CDH13: variants seen among roughly 807,000 people sequenced by gnomAD.
CDH13 encodes the protein cadherin 13.
A neutral mutation model predicts 63.8 loss-of-function variants in CDH13; 24 were observed. The ratio of observed to expected loss-of-function variants is 0.38; its 90% confidence interval spans 0.27 to 0.53. The LOEUF (loss-of-function observed/expected upper bound fraction) is 0.53, where lower values mean the gene tolerates loss of function less well. Among genes scored for constraint, CDH13 ranks in the 20% least tolerant of loss-of-function variants. The pLI, the probability that CDH13 is intolerant of heterozygous loss-of-function variation, is 0.85. For missense variants in CDH13, 1,049 were observed against 903.1 expected (o/e 1.16, Z -2.07); for synonymous variants, 503 against 355.3 (o/e 1.42, Z -4.67).
intron 10 of CDH13, among the ~76,000 whole-genome samples, chr16:83,701,260 G>T (rs540649146): frequency 1.3e-3 from 195 of 152,292 alleles, no homozygotes; most frequent in Non-Finnish European, 9.6e-4. Flanking sequence ...GGATGTTTAG[G>T]AACAGAAAAA....
intron 1 of CDH13, among the ~76,000 whole-genome samples, chr16:82,663,921 G>A (rs1912279887): frequency 1.3e-5 from 2 of 152,156 alleles, no homozygotes; most frequent in Admixed American, 6.5e-5. Flanking sequence ...CTCCTACCAT[G>A]GCGCATTCTG....
chr16:83,319,522 A>G lies in CDH13; in HGVS notation c.637-25340A>G, dbSNP rs115992272. Among the ~76,000 whole-genome samples, 667 of 152,368 alleles carry G rather than the reference A, an allele frequency of 4.4e-3. 8 individuals are homozygous for G. The highest frequency in any genetic ancestry group is 0.015 in the African/African-American group (632 of 41,594). On this transcript the variant is annotated intron_variant, in intron 5 of 13. Transcript: ENST00000567109. Reference sequence around the variant, plus strand: ...AACAGGCCGAATTGAATATCGGAGAACAGTAAATCACGACTTTACGATTTA... The same window carrying G: ...AACAGGCCGAATTGAATATCGGAGAGCAGTAAATCACGACTTTACGATTTA...
At chr16:83,603,928 G>C (rs1222032667) in intron 8 of CDH13, among the ~76,000 whole-genome samples, 5 of 152,128 alleles carry the variant, frequency 3.3e-5, no homozygotes, top group Non-Finnish European at 7.4e-5. Flanking sequence ...GAGTAGGAGA[G>C]AGAGAGCAAA....
intron 11 of CDH13, among the ~76,000 whole-genome samples, chr16:83,758,940 G>A (rs1913732235): frequency 6.6e-6 from 1 of 152,152 alleles, no homozygotes; most frequent in African/African-American, 2.4e-5. Context: ...AAGGCTCAAT[G>A]GTATTGAAAT....
At chr16:83,067,245 A>G (rs552551560) in intron 3 of CDH13, among the ~76,000 whole-genome samples, 2 of 152,308 alleles carry the variant, frequency 1.3e-5, no homozygotes, top group African/African-American at 2.4e-5. Flanking sequence ...AGTAATGTTG[A>G]TAAGTATTGT....
intron 5 of CDH13, among the ~76,000 whole-genome samples, chr16:83,281,381 G>C (rs754040957): frequency 6.6e-6 from 1 of 152,184 alleles, no homozygotes; most frequent in Non-Finnish European, 1.5e-5. Context: ...CTTTGGTCTG[G>C]ATTAGGCTTT....
At chr16:83,727,659 A>G (rs1910567084) in intron 10 of CDH13, among the ~76,000 whole-genome samples, 1 of 152,144 alleles carries the variant, frequency 6.6e-6, no homozygotes, top group South Asian at 2.1e-4. Flanking sequence ...CAACATTAGA[A>G]GCCCTAAAAA....
intron 1 of CDH13, among the ~76,000 whole-genome samples, chr16:82,690,255 G>C (rs2150974821): frequency 6.6e-6 from 1 of 151,822 alleles, no homozygotes; most frequent in Non-Finnish European, 1.5e-5. Flanking sequence ...AAGAAGAATG[G>C]TGAGACAACC....
intron 3 of CDH13, among the ~76,000 whole-genome samples, chr16:83,057,477 C>G (rs1050770231): frequency 6.6e-6 from 1 of 151,894 alleles, no homozygotes; most frequent in Non-Finnish European, 1.5e-5. Context: ...ATGAATGATA[C>G]ATGTTATGCT....
At chr16:83,524,248 A>T (rs867256186) in intron 7 of CDH13, among the ~76,000 whole-genome samples, 1 of 152,162 alleles carries the variant, frequency 6.6e-6, no homozygotes, top group South Asian at 2.1e-4. Context: ...TGCAGTGTAC[A>T]TGAGTAATAT....
At chr16:82,881,500 G>C (rs542624550) in intron 2 of CDH13, among the ~76,000 whole-genome samples, 2 of 152,146 alleles carry the variant, frequency 1.3e-5, no homozygotes, top group African/African-American at 4.8e-5. Flanking sequence ...TCTGTTTTTG[G>C]ATGTGGGCTG....
intron 8 of CDH13, among the ~76,000 whole-genome samples, chr16:83,621,575 C>T (rs1909822620): frequency 6.8e-6 from 1 of 147,230 alleles, no homozygotes; most frequent in South Asian, 2.2e-4. Context: ...CAAACTCCTC[C>T]TCTTAGGTTC....
At chr16:83,522,750 G>A (rs972665202) in intron 7 of CDH13, among the ~76,000 whole-genome samples, 4 of 152,184 alleles carry the variant, frequency 2.6e-5, no homozygotes, top group Admixed American at 6.5e-5. Context: ...GGTGGCATCA[G>A]ACTGGCCTGA....
At chr16:83,671,948 G>A (rs757040203) in intron 9 of CDH13, among the ~76,000 whole-genome samples, 4 of 152,226 alleles carry the variant, frequency 2.6e-5, no homozygotes, top group African/African-American at 4.8e-5. Flanking sequence ...TTTCTGGGAA[G>A]TTCTGGGGAG....
chr16:83,616,724 T>G (rs955964209), intron 8 of CDH13, among the ~76,000 whole-genome samples: 1 of 152,136 alleles, frequency 6.6e-6, no homozygotes, highest in Non-Finnish European at 1.5e-5. Flanking sequence ...ATGGAGCCTG[T>G]TGGAAGATGA....
intron 1 of CDH13, among the ~76,000 whole-genome samples, chr16:82,672,450 C>A (rs957889253): frequency 6.6e-6 from 1 of 152,136 alleles, no homozygotes; most frequent in African/African-American, 2.4e-5. Context: ...CTACTGGCAG[C>A]TTTAGTCCCT....
chr16:83,258,081 A>C (rs1344666108), intron 5 of CDH13, among the ~76,000 whole-genome samples: 2 of 152,222 alleles, frequency 1.3e-5, no homozygotes, highest in Non-Finnish European at 2.9e-5. Context: ...GATAAATTAA[A>C]CTGAGTCTTT....
At chr16:83,624,367 C>T (rs1170683418) in intron 8 of CDH13, among the ~76,000 whole-genome samples, 1 of 149,430 alleles carries the variant, frequency 6.7e-6, no homozygotes, top group African/African-American at 2.5e-5. Flanking sequence ...GTCAGCAGTC[C>T]CCAGCCTTTT....
intron 3 of CDH13, among the ~76,000 whole-genome samples, chr16:83,043,033 A>C (rs917630280): frequency 2.0e-5 from 3 of 152,218 alleles, no homozygotes; most frequent in African/African-American, 7.2e-5. Flanking sequence ...CCTAAAGTGG[A>C]GAAAATATAT....
Sources: allele counts gnomAD v4.1 joint callset (sites outside exome capture counted in the v4.1 genomes callset), GRCh38; gene constraint gnomAD v4.1.1; transcripts MANE v1.5; gene names NCBI Gene and HGNC (gene_info 2026-07-23, HGNC 2026-07-21).